SPATA17: variants seen among roughly 807,000 people sequenced by gnomAD.
SPATA17 encodes the protein spermatogenesis-associated protein 17.
Under a neutral mutation model 62.2 loss-of-function variants are expected in SPATA17, and 53 were observed. That is an observed-to-expected ratio of 0.85 (90% CI 0.68 to 1.07). SPATA17 has a LOEUF of 1.07. Among genes scored for constraint, SPATA17 ranks in the 50% least tolerant of loss-of-function variants. SPATA17 has a pLI of 0.00. For synonymous variants in SPATA17, 146 were observed against 146.8 expected (o/e 0.99, Z 0.04); for missense variants, 466 against 425.5 (o/e 1.10, Z -0.84).
rs965717101 is a variant in SPATA17, at chr1:217,850,705, G to A, written c.1006-12069G>A. On this transcript the variant is annotated intron_variant, in intron 9 of 10. Transcript: ENST00000366933. ...TCCAGCCACAGGAACACCTCCACACGCTCACCCGACAAAGCCATTCACCCC... is the reference window on the plus strand; with the variant it reads ...TCCAGCCACAGGAACACCTCCACACACTCACCCGACAAAGCCATTCACCCC... 64 of 1,200,006 alleles carry A rather than the reference G, an allele frequency of 5.3e-5. No homozygotes were observed. The African/African-American group carries it at 9.0e-4, about 17-fold the overall frequency. 74.3% of individuals were successfully genotyped at this position (1,200,006 alleles called of 1,614,324 possible). A position where few individuals can be genotyped will look rare whatever the true frequency, so the allele number is the denominator to read the frequency against.
At chr1:217,708,139 G>A (rs535832118) in intron 5 of SPATA17, among the ~76,000 whole-genome samples, 11 of 152,170 alleles carry the variant, frequency 7.2e-5, no homozygotes, top group Admixed American at 5.9e-4. Flanking sequence ...GATTGCACCT[G>A]GAGGAACTAG....
intron 9 of SPATA17, among the ~76,000 whole-genome samples, chr1:217,838,898 G>A (rs557504226): frequency 6.6e-6 from 1 of 152,220 alleles, no homozygotes; most frequent in African/African-American, 2.4e-5. Context: ...AGAAGTATAT[G>A]AAATCACTGT....
At chr1:217,749,985 C>CTCTCTCTCTCTCTCTCTATATATATA in intron 6 of SPATA17, among the ~76,000 whole-genome samples, 1 of 12,314 alleles carries the variant, frequency 8.1e-5, no homozygotes, top group Non-Finnish European at 1.6e-4. Context: ...CTCTCTCTCT[C>CTCTCTCTCTCTCTCTCTATATATATA]TATATATATA....
chr1:217,786,765 CTTCTTCTTCTTCTTCT>C lies in SPATA17; in HGVS notation c.872+4445_872+4460del, dbSNP rs1558050830. ...TGATATTCTCTTTCTTCTTCTTCTT[CTTCTTCTTCTTCTTCT>C]TCTTCTTCTTCTTCTTCTTCTTCTT... is the stretch of plus-strand genomic sequence containing the variant. On this transcript the variant is annotated intron_variant, in intron 8 of 10. Coordinates refer to ENST00000366933, the MANE Select transcript of SPATA17 (RefSeq NM_138796.4). Among the ~76,000 whole-genome samples, 1,067 of 146,784 alleles carry C rather than the reference CTTCTTCTTCTTCTTCT, an allele frequency of 7.3e-3. 18 individuals carry two copies. The highest frequency in any genetic ancestry group is 0.026 in the African/African-American group (1,008 of 39,526).
intron 1 of SPATA17, among the ~76,000 whole-genome samples, chr1:217,647,755 G>T (rs1670219969): frequency 1.3e-5 from 2 of 151,584 alleles, no homozygotes; most frequent in African/African-American, 2.4e-5. Context: ...ACAGAGTCTT[G>T]CTCTGTCGCC....
chr1:217,700,575 A>G (rs979969804), intron 5 of SPATA17, among the ~76,000 whole-genome samples: 6 of 151,778 alleles, frequency 4.0e-5, no homozygotes, highest in Admixed American at 2.0e-4. Flanking sequence ...CAGTTTATAC[A>G]TACATTTTTT....
chr1:217,707,000 G>T (rs957774412), intron 5 of SPATA17, among the ~76,000 whole-genome samples: 1 of 151,844 alleles, frequency 6.6e-6, no homozygotes, highest in Non-Finnish European at 1.5e-5. Flanking sequence ...CCAAATAGCT[G>T]GGACTACAAG....
intron 6 of SPATA17, among the ~76,000 whole-genome samples, chr1:217,766,463 T>C (rs1386840488): frequency 2.6e-5 from 4 of 152,052 alleles, no homozygotes; most frequent in African/African-American, 9.7e-5. Flanking sequence ...AAGTACCTTA[T>C]AATAACAAAA....
chr1:217,722,083 G>A (rs997691937), intron 5 of SPATA17, among the ~76,000 whole-genome samples: 2 of 152,002 alleles, frequency 1.3e-5, no homozygotes, highest in Admixed American at 6.6e-5. Context: ...CTCATTCCAT[G>A]GTAGGACCTG....
chr1:217,754,301 T>G (rs1368373238), intron 6 of SPATA17, among the ~76,000 whole-genome samples: 2 of 152,174 alleles, frequency 1.3e-5, no homozygotes, highest in Non-Finnish European at 1.5e-5. Flanking sequence ...ATCAATTCTG[T>G]CATTTTCTTC....
intron 8 of SPATA17, among the ~76,000 whole-genome samples, chr1:217,792,808 A>G (rs1282989378): frequency 6.6e-6 from 1 of 152,178 alleles, no homozygotes; most frequent in African/African-American, 2.4e-5. Flanking sequence ...AGCCACAAGC[A>G]AGAATCTCCT....
intron 9 of SPATA17, among the ~76,000 whole-genome samples, chr1:217,805,620 A>G (rs934651171): frequency 1.3e-5 from 2 of 152,198 alleles, no homozygotes; most frequent in Non-Finnish European, 2.9e-5. Flanking sequence ...ATGTATATGT[A>G]TAGCAGAAGA....
chr1:217,862,024 G>T (rs1270986082), intron 9 of SPATA17, among the ~76,000 whole-genome samples: 2 of 151,028 alleles, frequency 1.3e-5, no homozygotes, highest in Non-Finnish European at 2.9e-5. Context: ...GCCCTATAAA[G>T]AGCTGCACTC....
intron 6 of SPATA17, among the ~76,000 whole-genome samples, chr1:217,757,188 A>G (rs1388172924): frequency 6.6e-6 from 1 of 152,234 alleles, no homozygotes; most frequent in Admixed American, 6.5e-5. Context: ...CAGGTGTTAG[A>G]GCCCAATACA....
In SPATA17 at chr1:217,775,368, A is replaced by C. The variant is rs1349673755; in HGVS notation, c.723+831A>C. On this transcript the variant is annotated intron_variant, in intron 7 of 10. Transcript: ENST00000366933. ...ACATGGTTTGCAAATATTTTCTCCC[A>C]TTCTATGGGCTCCTTCTCTACTCTG... Among the ~76,000 whole-genome samples, 6 of 152,176 alleles carry C rather than the reference A, an allele frequency of 3.9e-5. No individual in the cohort carries two copies. The East Asian group carries it at 1.2e-3, about 29-fold the overall frequency.
At chr1:217,805,975 G>A (rs1447704929) in intron 9 of SPATA17, among the ~76,000 whole-genome samples, 2 of 152,106 alleles carry the variant, frequency 1.3e-5, no homozygotes, top group Non-Finnish European at 2.9e-5. Flanking sequence ...TCAGATATGG[G>A]AGAAACTTGC....
intron 9 of SPATA17, among the ~76,000 whole-genome samples, chr1:217,811,619 G>A (rs536219673): frequency 5.3e-5 from 8 of 151,876 alleles, no homozygotes; most frequent in African/African-American, 1.4e-4. Flanking sequence ...CTTGAACTTG[G>A]GCGGCGGAGG....
chr1:217,720,735 C>A (rs1424980644), intron 5 of SPATA17, among the ~76,000 whole-genome samples: 1 of 152,110 alleles, frequency 6.6e-6, no homozygotes, highest in African/African-American at 2.4e-5. Context: ...AGAGAGAAAT[C>A]TAGAGAATAC....
chr1:217,826,745 C>G (rs1447162006), intron 9 of SPATA17, among the ~76,000 whole-genome samples: 1 of 152,080 alleles, frequency 6.6e-6, no homozygotes, highest in African/African-American at 2.4e-5. Flanking sequence ...ATGTGAAACT[C>G]AAGGCATTAA....
Sources: gnomAD v4.1 joint callset for allele counts (sites outside exome capture counted in the v4.1 genomes callset) on GRCh38, gnomAD v4.1.1 for gene constraint, MANE v1.5 for transcripts, NCBI Gene and HGNC (gene_info 2026-07-23, HGNC 2026-07-21) for gene names.